The following GAS7 variants were observed in gnomAD, a reference collection of about 807,000 sequenced individuals.
GAS7 encodes growth arrest specific 7.
In GAS7, 28 loss-of-function variants were observed where a neutral mutation model predicts 71.1. The ratio of observed to expected loss-of-function variants is 0.39; its 90% CI spans 0.29 to 0.54. The LOEUF is 0.54. GAS7 is among the 20% of genes least tolerant of loss of function. The pLI is 0.62. For synonymous variants in GAS7, 258 were observed against 245.8 expected (o/e 1.05, Z -0.46); for missense variants, 436 against 627.8 (o/e 0.69, Z 3.27).
At chr17:10,075,392 T>C (rs2152248808) in intron 1 of GAS7, among the ~76,000 whole-genome samples, 1 of 151,946 alleles carries the variant, frequency 6.6e-6, no homozygotes, top group South Asian at 2.1e-4. Context: ...AAAATAAACT[T>C]CATACTTAAT....
intron 1 of GAS7, among the ~76,000 whole-genome samples, chr17:10,064,411 C>T (rs1460734758): frequency 6.6e-6 from 1 of 152,210 alleles, no homozygotes; most frequent in African/African-American, 2.4e-5. Context: ...CTGAAAGAAG[C>T]ACCCTGATTT....
At chr17:9,961,198 T>C (rs1466336249) in intron 4 of GAS7, among the ~76,000 whole-genome samples, 1 of 152,202 alleles carries the variant, frequency 6.6e-6, no homozygotes, top group Non-Finnish European at 1.5e-5. Flanking sequence ...CAACGTCAAC[T>C]TTATGGCCAA....
In GAS7 at chr17:9,912,699, C is replaced by T. The variant is rs2067471275; in HGVS notation, c.*4529G>A. The T allele has an allele frequency of 4.3e-6, 1 of 232,860 alleles. No individual in the cohort carries two copies. The highest frequency in any genetic ancestry group is 5.6e-5 in the Admixed American group (1 of 17,772). The allele number at this position is 232,860 out of a possible 1,614,324, so 14.4% of individuals were successfully genotyped here. The stretch of plus-strand genomic sequence containing the variant: ...AAAAGGCGAGTGTGAGCCCTAAGAA[C>T]AGCTTGTGGGCACAGCTGGCATTTG... On this transcript the variant is annotated 3_prime_UTR_variant, in exon 14 of 14. Coordinates refer to ENST00000432992, the MANE Select transcript of GAS7 (RefSeq NM_201433.2).
intron 1 of GAS7, among the ~76,000 whole-genome samples, chr17:10,069,682 G>A (rs1188548408): frequency 6.6e-6 from 1 of 152,152 alleles, no homozygotes; most frequent in Non-Finnish European, 1.5e-5. Context: ...TATCTCCCGG[G>A]AGCCTATCTT....
At chr17:9,987,519 G>A (rs1356803887) in intron 2 of GAS7, among the ~76,000 whole-genome samples, 1 of 152,218 alleles carries the variant, frequency 6.6e-6, no homozygotes, top group East Asian at 1.9e-4. Flanking sequence ...GGGCACAGTG[G>A]CACACGCCTG....
At position 10,198,195 on chromosome 17, in the gene GAS7, C is replaced by T. The variant is rs2074555130; in HGVS notation, c.183+13G>A. 7 of 1,606,232 alleles carry T rather than the reference C, an allele frequency of 4.4e-6. No individual in the cohort carries two copies. In the Admixed American group the frequency reaches 5.0e-5, roughly 11 times the overall value. On this transcript the variant is annotated intron_variant, in intron 1 of 13. Coordinates refer to ENST00000432992, the MANE Select transcript of GAS7 (RefSeq NM_201433.2). ...CAGCCCCGGCTCCTACAGCCCCGGC[C>T]CTCGCCCCTTACCTCCAGCAACTGC...
intron 2 of GAS7, among the ~76,000 whole-genome samples, chr17:10,009,796 C>G (rs1273402825): frequency 6.6e-6 from 1 of 151,406 alleles, no homozygotes; most frequent in African/African-American, 2.4e-5. Flanking sequence ...TACTTGAGCC[C>G]AGGAAGTCAA....
At chr17:9,971,983 G>A (rs562818891) in intron 3 of GAS7, among the ~76,000 whole-genome samples, 16 of 152,220 alleles carry the variant, frequency 1.1e-4, no homozygotes, top group African/African-American at 3.9e-4. Flanking sequence ...GGCCAAGCAG[G>A]GCCACATGCA....
chr17:9,936,669 C>T (rs571027588), intron 8 of GAS7, among the ~76,000 whole-genome samples: 1 of 152,276 alleles, frequency 6.6e-6, no homozygotes, highest in South Asian at 2.1e-4. Flanking sequence ...TACAAATTCT[C>T]TCATTTGAAA....
At chr17:10,052,301 G>A (rs559363551) in intron 1 of GAS7, among the ~76,000 whole-genome samples, 1 of 152,254 alleles carries the variant, frequency 6.6e-6, no homozygotes, top group South Asian at 2.1e-4. Context: ...AGTTACAGTC[G>A]AAGCCATGAC....
chr17:9,919,745 C>A lies in GAS7; in HGVS notation c.1139-40G>T. ...CAGTCACCATCATGAAGCATCCTAT[C>A]CTCACCATGACTCTGTGCCCCACCC... On this transcript the variant is annotated intron_variant, in intron 11 of 13. Coordinates refer to ENST00000432992, the MANE Select transcript of GAS7 (RefSeq NM_201433.2). This position sits in a 1 kb window ranked among gnomAD's most constrained non-coding sequence, Gnocchi z 5.0. 7.0e-7 allele frequency: 1 copy of A among 1,434,678 alleles called. No individual in the cohort carries two copies. The highest frequency in any genetic ancestry group is 9.8e-7 in the Non-Finnish European group (1 of 1,016,918). The allele number at this position is 1,434,678 out of a possible 1,614,324, so 88.9% of individuals were successfully genotyped here.
Position 10,103,561 on chromosome 17 carries a change from C to A in GAS7, c.184-83664G>T, listed in dbSNP as rs979672313. On this transcript the variant is annotated intron_variant, in intron 1 of 13. Coordinates refer to ENST00000432992, the MANE Select transcript of GAS7 (RefSeq NM_201433.2). This position sits in a 1 kb window ranked among gnomAD's most constrained non-coding sequence, Gnocchi z 5.5. ...AACAACCCGGCCAGGCGCGATGGCT[C>A]CCACCTGTAATCCCAGCACTTTGGG... Among the ~76,000 whole-genome samples, 3 of 152,086 alleles carry A rather than the reference C, an allele frequency of 2.0e-5. No homozygotes were observed. Among genetic ancestry groups the A allele is most frequent in the South Asian group, 2.1e-4 (1 of 4,828 alleles).
chr17:9,999,517 C>CA (rs58784129), intron 2 of GAS7, among the ~76,000 whole-genome samples: 26,511 of 141,604 alleles, frequency 0.19, 3,079 homozygotes, highest in African/African-American at 0.34. Context: ...GACTTTGCCT[C>CA]AAAAAAAAAA....
chr17:9,979,903 C>CT (rs2070349925), intron 3 of GAS7, among the ~76,000 whole-genome samples: 3 of 151,578 alleles, frequency 2.0e-5, no homozygotes, highest in Non-Finnish European at 2.9e-5. Flanking sequence ...GAAAGAGAAG[C>CT]CAGTGGGCTC....
chr17:9,963,495 G>C (rs1187172382), intron 4 of GAS7, among the ~76,000 whole-genome samples: 1 of 152,046 alleles, frequency 6.6e-6, no homozygotes, highest in Non-Finnish European at 1.5e-5. Flanking sequence ...GAGAGAGAGA[G>C]AAACAACAGA....
At chr17:10,036,354 C>T in intron 1 of GAS7, 2 of 1,192,164 alleles carry the variant, frequency 1.7e-6, no homozygotes, top group Admixed American at 1.7e-5. Flanking sequence ...GCCTCTTTAC[C>T]ATGGCACAGT....
At chr17:10,020,320 C>T (rs2072218134) in intron 1 of GAS7, among the ~76,000 whole-genome samples, 1 of 152,170 alleles carries the variant, frequency 6.6e-6, no homozygotes, top group South Asian at 2.1e-4. Flanking sequence ...GCTTGCTGTG[C>T]AAACCTAGCA....
chr17:10,153,831 C>A lies in GAS7; in HGVS notation c.183+44377G>T, dbSNP rs140797266. 7.5e-3 allele frequency among the ~76,000 whole-genome samples: 1,137 copies of A among 152,166 alleles called. 23 individuals are homozygous for A. The highest frequency in any genetic ancestry group is 0.026 in the African/African-American group (1,089 of 41,512). ...CCTGTAATCCCAGCATTTTGGGAGG[C>A]CAAGATGGGAGGATCACTTGAGGCC... On this transcript the variant is annotated intron_variant, in intron 1 of 13. Coordinates refer to ENST00000432992, the MANE Select transcript of GAS7 (RefSeq NM_201433.2).
intron 1 of GAS7, among the ~76,000 whole-genome samples, chr17:10,022,290 G>A (rs2072300609): frequency 1.3e-5 from 2 of 152,176 alleles, no homozygotes; most frequent in Non-Finnish European, 2.9e-5. Flanking sequence ...ACAGGCATGA[G>A]TGTTTGATGA....
Sources: gnomAD v4.1 joint callset for allele counts (sites outside exome capture counted in the v4.1 genomes callset) on GRCh38, gnomAD v4.1.1 for gene constraint, Gnocchi (gnomAD v3.1) non-coding constraint, MANE v1.5 for transcripts, NCBI Gene and HGNC (gene_info 2026-07-23, HGNC 2026-07-21) for gene names.